SERPINE2: variants seen among roughly 807,000 people sequenced by gnomAD.
SERPINE2 encodes the protein serpin family E member 2.
Under a neutral mutation model 36.3 loss-of-function variants are expected in SERPINE2, and 14 were observed. The ratio of observed to expected loss-of-function variants is 0.39; its 90% CI spans 0.25 to 0.60. SERPINE2 has a LOEUF of 0.60. Among genes scored for constraint, SERPINE2 ranks in the 20% least tolerant of loss-of-function variants. SERPINE2 has a pLI of 0.57. For missense variants in SERPINE2, 418 were observed against 499.6 expected, an observed-to-expected ratio of 0.84 and a Z score of 1.56; for synonymous variants, 192 against 191.8, an observed-to-expected ratio of 1.00 and a Z score of -0.01.
chr2:224,034,795 G>T (rs536710968), intron 1 of SERPINE2, among the ~76,000 whole-genome samples: 240 of 152,278 alleles, frequency 1.6e-3, no homozygotes, highest in African/African-American at 5.5e-3. Flanking sequence ...CCACCCAGGG[G>T]GGCTGCGAGG....
At chr2:224,022,154 T>C (rs1167039894) in intron 1 of SERPINE2, among the ~76,000 whole-genome samples, 1 of 87,212 alleles carries the variant, frequency 1.1e-5, no homozygotes, top group South Asian at 5.2e-4. Flanking sequence ...GCGAGACTCC[T>C]TCTCAAAAAA....
In SERPINE2 at chr2:224,038,511, G is replaced by C. The variant is rs1003388722; in HGVS notation, c.-23+588C>G. The stretch of plus-strand genomic sequence containing the variant: ...TTACCTGCAGTCACTCATCCGCCTC[G>C]CAACTCCCGTTTCTACAGATGATGA... On this transcript the variant is annotated intron_variant, in intron 1 of 8. Coordinates refer to ENST00000409304, the MANE Select transcript of SERPINE2 (RefSeq NM_001136528.2). 4 of 1,551,360 alleles carry C rather than the reference G, an allele frequency of 2.6e-6. No individual in the cohort carries two copies. In the East Asian group the frequency reaches 9.8e-5, roughly 38 times the overall value.
At position 224,028,727 on chromosome 2, in the gene SERPINE2, C is replaced by T. The variant is rs116648890; in HGVS notation, c.-23+10372G>A. On this transcript the variant is annotated intron_variant, in intron 1 of 8. Transcript: ENST00000409304. Reference sequence around the variant, plus strand: ...ATAAAAGATGCCTAATAGTACTTGACACACTGATGATGCATAATTTTCCAC... The same window carrying T: ...ATAAAAGATGCCTAATAGTACTTGATACACTGATGATGCATAATTTTCCAC... Among the ~76,000 whole-genome samples, 522 of 152,298 alleles carry T rather than the reference C, an allele frequency of 3.4e-3. 3 individuals carry two copies. Among genetic ancestry groups the T allele is most frequent in the African/African-American group, 0.012 (488 of 41,552 alleles).
At chr2:223,978,547 T>C (rs1182411597) in intron 7 of SERPINE2, 1 of 152,280 alleles carries the variant, frequency 6.6e-6, no homozygotes, top group Non-Finnish European at 1.5e-5. Context: ...CTCATGGGTC[T>C]TGGCCATTCC....
At chr2:224,005,096 T>A (rs111787482) in intron 1 of SERPINE2, among the ~76,000 whole-genome samples, 6,418 of 131,992 alleles carry the variant, frequency 0.049, 332 homozygotes, top group Middle Eastern at 0.073. Context: ...TATATATATA[T>A]AAAACATTGT....
At chr2:223,976,028 G>T in intron 8 of SERPINE2, 124 bp from the exon 9 acceptor site, 4 of 750,912 alleles carry the variant, frequency 5.3e-6, no homozygotes, top group Non-Finnish European at 8.1e-6. Flanking sequence ...GTAGTGTCCA[G>T]TATAACTTTC....
At chr2:224,020,388 T>A (rs1293064685) in intron 1 of SERPINE2, among the ~76,000 whole-genome samples, 1 of 152,192 alleles carries the variant, frequency 6.6e-6, no homozygotes, top group African/African-American at 2.4e-5. Context: ...AAAAACAGAA[T>A]AGAAACAAGA....
Position 223,975,565 on chromosome 2 carries a change from C to T in SERPINE2, c.*302G>A, listed in dbSNP as rs1031997679. ...ACAAAACAAAAATTCCTGAACTGGA[C>T]AAACAGCAAATACTCAACAGGGTTG... On this transcript the variant is annotated 3_prime_UTR_variant, in exon 9 of 9. Coordinates refer to ENST00000409304, the MANE Select transcript of SERPINE2 (RefSeq NM_001136528.2). 1 of 281,104 alleles carries T rather than the reference C, an allele frequency of 3.6e-6. No homozygotes were observed. Among genetic ancestry groups the T allele is most frequent in the African/African-American group, 2.2e-5 (1 of 45,846 alleles). 17.4% of individuals were successfully genotyped at this position (281,104 alleles called of 1,614,324 possible).
At chr2:224,026,027 A>G (rs1692169644) in intron 1 of SERPINE2, among the ~76,000 whole-genome samples, 1 of 152,216 alleles carries the variant, frequency 6.6e-6, no homozygotes. Flanking sequence ...GTTCTTAATG[A>G]AATAGGAGAA....
chr2:224,004,874 G>T (rs1350935671), intron 1 of SERPINE2, among the ~76,000 whole-genome samples: 1 of 150,934 alleles, frequency 6.6e-6, no homozygotes, highest in African/African-American at 2.4e-5. Context: ...CCTCCCCAAA[G>T]AAATGCTCCT....
At chr2:224,016,416 G>A (rs1691800246) in intron 1 of SERPINE2, among the ~76,000 whole-genome samples, 1 of 151,728 alleles carries the variant, frequency 6.6e-6, no homozygotes, top group African/African-American at 2.4e-5. Context: ...TGAAGCAGGA[G>A]AATCGCTTGA....
chr2:223,984,831 T>C lies in SERPINE2; in HGVS notation c.805A>G (p.Ile269Val). ...ATGGTCTTGGTGCTGATGTGTGGGA[T>C]GATGGCAGACAGCGGAGTGGAGCTC... ...TESSTPLSAI[I>V]PHISTKTIDS... Residue 269 changes from isoleucine to valine, a missense_variant, in exon 5 of 9, where the codon ATC becomes GTC. Physicochemically the swap from Ile to Val is conservative, Grantham distance 29. Transcript: ENST00000409304. 1.2e-6 allele frequency: 2 copies of C among 1,614,112 alleles called. No individual in the cohort carries two copies. The highest frequency in any genetic ancestry group is 1.7e-6 in the Non-Finnish European group (2 of 1,180,022).
intron 5 of SERPINE2, among the ~76,000 whole-genome samples, chr2:223,984,006 G>A (rs1014902057): frequency 6.0e-5 from 9 of 150,834 alleles, no homozygotes; most frequent in African/African-American, 2.2e-4. Context: ...AATACTTATT[G>A]TGAATGTCTT....
chr2:224,034,710 C>G (rs973124273), intron 1 of SERPINE2, among the ~76,000 whole-genome samples: 1 of 152,130 alleles, frequency 6.6e-6, no homozygotes, highest in Non-Finnish European at 1.5e-5. Context: ...GGGGGACTCC[C>G]TGGGATGGCC....
rs372564960 is a variant in SERPINE2, at chr2:223,980,294, C to T, written c.1072+17G>A. 1.1e-4 allele frequency: 183 copies of T among 1,609,482 alleles called. 1 individual carries two copies. The highest frequency in any genetic ancestry group is 2.4e-4 in the South Asian group (22 of 90,978). ...TCCCCTGCTAGAGGAAGCCCTGCCA[C>T]GTGACCCAGTGCTTACTTGTTGCTG... On this transcript the variant is annotated intron_variant, in intron 7 of 8. Coordinates refer to ENST00000409304, the MANE Select transcript of SERPINE2 (RefSeq NM_001136528.2).
At chr2:224,036,023 T>C (rs1415753892) in intron 1 of SERPINE2, among the ~76,000 whole-genome samples, 1 of 152,098 alleles carries the variant, frequency 6.6e-6, no homozygotes, top group Non-Finnish European at 1.5e-5. Flanking sequence ...TCGCTAACAA[T>C]GAAGCGGATA....
chr2:223,995,685 C>T (rs1037651266), intron 3 of SERPINE2, among the ~76,000 whole-genome samples: 8 of 152,212 alleles, frequency 5.3e-5, no homozygotes, highest in Admixed American at 4.6e-4. Context: ...GAGTCCCACG[C>T]AAATCAAGCA....
chr2:224,001,830 G>C lies in SERPINE2; in HGVS notation c.71C>G (p.Pro24Arg). The part of the protein sequence containing the change: ...TLPSICSHFN[P>R]LSLEELGSNT... ...GGAGCCTAGTTCCTCGAGAGACAGA[G>C]GATTGAAGTGGGAGCAGATGGAAGG... The change falls in exon 2 of 9, where the codon CCT (proline) becomes CGT (arginine). Residue 24 changes from proline (P) to arginine (R), a missense_variant. Coordinates refer to ENST00000409304, the MANE Select transcript of SERPINE2 (RefSeq NM_001136528.2). 1 of 1,614,158 alleles carries C rather than the reference G, an allele frequency of 6.2e-7. No individual in the cohort carries two copies.
chr2:224,015,729 C>A (rs1194802034), intron 1 of SERPINE2, among the ~76,000 whole-genome samples: 1 of 152,170 alleles, frequency 6.6e-6, no homozygotes, highest in African/African-American at 2.4e-5. Flanking sequence ...GGAATCAAAA[C>A]CCTAAGTTGA....
Sources: gnomAD v4.1 joint callset for allele counts (sites outside exome capture counted in the v4.1 genomes callset) on GRCh38, gnomAD v4.1.1 for gene constraint, MANE v1.5 for transcripts, NCBI Gene and HGNC (gene_info 2026-07-23, HGNC 2026-07-21) for gene names.